Variants in CDH8 observed in about 807,000 individuals in gnomAD.
The protein encoded by CDH8 is cadherin 8.
CDH8 carries 17 observed loss-of-function variants against 68.1 expected under a neutral mutation model. The ratio of observed to expected loss-of-function variants is 0.25; its 90% confidence interval spans 0.17 to 0.37. The LOEUF (loss-of-function observed/expected upper bound fraction) is 0.37, where lower values mean the gene tolerates loss of function less well. CDH8 is among the 10% of genes least tolerant of loss of function. The pLI is 1.00. For missense variants in CDH8, 763 were observed against 999.3 expected (o/e 0.76, Z 3.19); for synonymous variants, 372 against 365.1 (o/e 1.02, Z -0.21).
At position 61,664,569 on chromosome 16, in the gene CDH8, A is replaced by G. The variant is rs1486997097; in HGVS notation, c.1655-8848T>C. On this transcript the variant is annotated intron_variant, in intron 10 of 11. Coordinates refer to ENST00000577390, the MANE Select transcript of CDH8 (RefSeq NM_001796.5). ...GTTCAATTTCAGGCTATTGGAAAGC[A>G]TATATATCCTGGGTTTGTGTATGAA... Among the ~76,000 whole-genome samples, 3 of 152,130 alleles carry G rather than the reference A, an allele frequency of 2.0e-5. No individual in the cohort carries two copies. In the East Asian group the frequency reaches 5.8e-4, roughly 30 times the overall value.
chr16:61,877,199 A>G (rs1374945037), intron 3 of CDH8, among the ~76,000 whole-genome samples: 1 of 152,146 alleles, frequency 6.6e-6, no homozygotes, highest in Non-Finnish European at 1.5e-5. Context: ...AAACATCACC[A>G]TAAAGAAATT....
At chr16:61,684,846 T>C (rs946588320) in intron 10 of CDH8, among the ~76,000 whole-genome samples, 1 of 152,046 alleles carries the variant, frequency 6.6e-6, no homozygotes, top group Non-Finnish European at 1.5e-5. Context: ...ACATCATTAA[T>C]GGATTCAACT....
chr16:61,919,876 A>G (rs1266274927), intron 2 of CDH8, among the ~76,000 whole-genome samples: 4 of 152,196 alleles, frequency 2.6e-5, no homozygotes, highest in Non-Finnish European at 5.9e-5. Flanking sequence ...CAGTAACCAA[A>G]ACAGCATGGT....
chr16:61,914,812 C>G (rs1964213781), intron 2 of CDH8, among the ~76,000 whole-genome samples: 1 of 151,348 alleles, frequency 6.6e-6, no homozygotes, highest in Non-Finnish European at 1.5e-5. Context: ...GCTGACAAAG[C>G]AAGGATCCAG....
intron 8 of CDH8, among the ~76,000 whole-genome samples, chr16:61,738,474 C>T (rs1435084083): frequency 6.6e-6 from 1 of 152,080 alleles, no homozygotes; most frequent in Non-Finnish European, 1.5e-5. Flanking sequence ...GGCACATTTA[C>T]GGTTGTAAAA....
At chr16:61,952,133 A>G (rs1054637912) in intron 2 of CDH8, among the ~76,000 whole-genome samples, 2 of 152,180 alleles carry the variant, frequency 1.3e-5, no homozygotes, top group African/African-American at 4.8e-5. Flanking sequence ...ATTTGTGAAA[A>G]TTATAATTCT....
Position 61,811,385 on chromosome 16 carries a change from T to C in CDH8, c.1277+6094A>G, listed in dbSNP as rs201346709. 2.0e-5 allele frequency among the ~76,000 whole-genome samples: 3 copies of C among 152,176 alleles called. No individual in the cohort carries two copies. In the East Asian group the frequency reaches 5.8e-4, roughly 29 times the overall value. ...TCAAATTTTTATTTGGCCATGAAAG[T>C]ACAAGAATTAAATGAAACAAGTTTT... On this transcript the variant is annotated intron_variant, in intron 7 of 11. Transcript: ENST00000577390.
chr16:62,005,894 T>A (rs901558155), intron 2 of CDH8, among the ~76,000 whole-genome samples: 3 of 152,160 alleles, frequency 2.0e-5, no homozygotes, highest in African/African-American at 7.2e-5. Flanking sequence ...CGTAAAAGGA[T>A]ATCTCACTCA....
In CDH8 at chr16:61,648,624, T is replaced by C. The variant is rs902653498; in HGVS notation, c.*4984A>G. On this transcript the variant is annotated 3_prime_UTR_variant, in exon 12 of 12. Coordinates refer to ENST00000577390, the MANE Select transcript of CDH8 (RefSeq NM_001796.5). ...ATTTATCCATAGATAAAAAAAAAATTCAACAATTAGTTCTTATGAGATTGA... is the reference window on the plus strand; with the variant it reads ...ATTTATCCATAGATAAAAAAAAAATCCAACAATTAGTTCTTATGAGATTGA... The C allele has an allele frequency of 4.6e-5, 7 of 151,756 alleles. No homozygotes were observed. Among genetic ancestry groups the C allele is most frequent in the African/African-American group, 1.7e-4 (7 of 41,384 alleles). 9.4% of individuals were successfully genotyped at this position (151,756 alleles called of 1,614,324 possible). A position where few individuals can be genotyped will look rare whatever the true frequency, so the allele number is the denominator to read the frequency against.
rs1456944271 is a variant in CDH8 at position 61,649,084 on chromosome 16, T to C, written c.*4524A>G. On this transcript the variant is annotated 3_prime_UTR_variant, in exon 12 of 12. Coordinates refer to ENST00000577390, the MANE Select transcript of CDH8 (RefSeq NM_001796.5). The stretch of plus-strand genomic sequence containing the variant: ...TATAGCAAATAAAACAGTATTGAAA[T>C]TGAAAAAATATAGAAAAGTATTTCC... The C allele has an allele frequency of 2.0e-5, 3 of 151,938 alleles. No individual in the cohort carries two copies. Among genetic ancestry groups the C allele is most frequent in the Non-Finnish European group, 4.4e-5 (3 of 67,896 alleles). The allele number at this position is 151,938 out of a possible 1,614,324, so 9.4% of individuals were successfully genotyped here.
chr16:61,886,191 T>C (rs1963669466), intron 3 of CDH8, among the ~76,000 whole-genome samples: 1 of 152,202 alleles, frequency 6.6e-6, no homozygotes, highest in South Asian at 2.1e-4. Flanking sequence ...TGAAGATATC[T>C]ACTACCTAGT....
chr16:61,663,626 C>T (rs1360547399), intron 10 of CDH8, among the ~76,000 whole-genome samples: 1 of 151,876 alleles, frequency 6.6e-6, no homozygotes, highest in Non-Finnish European at 1.5e-5. Flanking sequence ...GGAATGGTTT[C>T]AGTTTTAAGG....
At chr16:61,752,534 T>C (rs1315548380) in intron 8 of CDH8, among the ~76,000 whole-genome samples, 1 of 152,142 alleles carries the variant, frequency 6.6e-6, no homozygotes, top group Non-Finnish European at 1.5e-5. Context: ...GTAGGATATT[T>C]TATTTTCTTT....
At chr16:61,691,477 T>C (rs1240961850) in intron 10 of CDH8, among the ~76,000 whole-genome samples, 2 of 151,978 alleles carry the variant, frequency 1.3e-5, no homozygotes, top group Non-Finnish European at 2.9e-5. Flanking sequence ...AAATTCTTCA[T>C]TGTGCCTCTG....
chr16:61,807,779 T>A (rs1384535568), intron 7 of CDH8, among the ~76,000 whole-genome samples: 1 of 152,188 alleles, frequency 6.6e-6, no homozygotes, highest in East Asian at 1.9e-4. Flanking sequence ...ACTCCTCTGA[T>A]AAGCAACACT....
chr16:61,976,501 G>A (rs1965436754), intron 2 of CDH8, among the ~76,000 whole-genome samples: 1 of 152,074 alleles, frequency 6.6e-6, no homozygotes, highest in Admixed American at 6.6e-5. Flanking sequence ...GAGTACTGGA[G>A]GGACCAGAGG....
chr16:61,947,252 G>A (rs1186003982), intron 2 of CDH8, among the ~76,000 whole-genome samples: 1 of 152,134 alleles, frequency 6.6e-6, no homozygotes, highest in Non-Finnish European at 1.5e-5. Flanking sequence ...AGGCAAATAT[G>A]ATTTTTCTGC....
chr16:61,862,764 G>C (rs1043009435), intron 3 of CDH8, among the ~76,000 whole-genome samples: 1 of 152,186 alleles, frequency 6.6e-6, no homozygotes, highest in Non-Finnish European at 1.5e-5. Flanking sequence ...TATGCATACA[G>C]AATGCAGACC....
intron 6 of CDH8, among the ~76,000 whole-genome samples, chr16:61,818,486 C>A (rs1015310087): frequency 6.6e-6 from 1 of 152,118 alleles, no homozygotes; most frequent in African/African-American, 2.4e-5. Context: ...TGTGCCCCCA[C>A]AAACCACTTA....
Sources: allele counts gnomAD v4.1 joint callset (sites outside exome capture counted in the v4.1 genomes callset), GRCh38; gene constraint gnomAD v4.1.1; transcripts MANE v1.5; gene names NCBI Gene and HGNC (gene_info 2026-07-23, HGNC 2026-07-21).